Variants in UBE2E2 observed in about 807,000 individuals in gnomAD.
UBE2E2 encodes ubiquitin-conjugating enzyme E2 E2.
Under a neutral mutation model 24.7 loss-of-function variants are expected in UBE2E2, and 6 were observed. The ratio of observed to expected loss-of-function variants is 0.24; its 90% CI spans 0.13 to 0.48. UBE2E2 has a LOEUF of 0.48. Ranked by LOEUF, UBE2E2 falls within the 20% of genes least tolerant of loss-of-function variation. The pLI is 0.99. For missense variants in UBE2E2, 169 were observed against 245.0 expected (o/e 0.69, Z 2.07); for synonymous variants, 104 against 83.6 (o/e 1.24, Z -1.33).
chr3:23,579,908 G>A (rs1696437134), intron 5 of UBE2E2, among the ~76,000 whole-genome samples: 1 of 152,102 alleles, frequency 6.6e-6, no homozygotes, highest in Non-Finnish European at 1.5e-5. Flanking sequence ...CAACTCTCGT[G>A]GATGATTTGA....
intron 3 of UBE2E2, among the ~76,000 whole-genome samples, chr3:23,453,292 T>C (rs1698605657): frequency 6.6e-6 from 1 of 152,162 alleles, no homozygotes. Context: ...AACTATTTTT[T>C]AATTCATCCA....
rs1697382419 is a variant in UBE2E2 at position 23,407,324 on chromosome 3, G to A, written c.228-92284G>A. 6.6e-6 allele frequency among the ~76,000 whole-genome samples: 1 copy of A among 152,104 alleles called. No homozygotes were observed. Among genetic ancestry groups the A allele is most frequent in the Admixed American group, 6.5e-5 (1 of 15,268 alleles). On this transcript the variant is annotated intron_variant, in intron 3 of 5. Transcript: ENST00000396703. This position sits in a 1 kb window ranked among gnomAD's most constrained non-coding sequence, Gnocchi z 4.0. ...TGGTATAAACAGCCCTAGTCTAGCT[G>A]CTACACAGCTGCTTAGTTCTGGTTC... is the stretch of plus-strand genomic sequence containing the variant.
chr3:23,465,941 C>G (rs1392707878), intron 3 of UBE2E2, among the ~76,000 whole-genome samples: 1 of 151,974 alleles, frequency 6.6e-6, no homozygotes. Flanking sequence ...ATTTATGGGC[C>G]TAGGTACACA....
rs148986661 is a variant in UBE2E2, at chr3:23,515,629, G to A, written c.360+15889G>A. Among the ~76,000 whole-genome samples, 174 of 152,040 alleles carry A rather than the reference G, an allele frequency of 1.1e-3. 1 individual carries two copies. The highest frequency in any genetic ancestry group is 3.8e-3 in the African/African-American group (157 of 41,456). ...AGACAGACACTTGAAATTTTAATAC[G>A]TTCTCATTAATTAAGAACATATAAA... On this transcript the variant is annotated intron_variant, in intron 4 of 5. Transcript: ENST00000396703.
At chr3:23,277,392 C>A (rs1002897824) in intron 3 of UBE2E2, among the ~76,000 whole-genome samples, 2 of 152,008 alleles carry the variant, frequency 1.3e-5, no homozygotes, top group African/African-American at 4.8e-5. Context: ...AGGTTTCAGG[C>A]AGTTATGATT....
intron 3 of UBE2E2, among the ~76,000 whole-genome samples, chr3:23,246,588 C>T (rs1040782799): frequency 3.3e-5 from 5 of 151,670 alleles, no homozygotes; most frequent in East Asian, 1.9e-4. Context: ...CTTTCCATGT[C>T]GACCAAACTG....
intron 3 of UBE2E2, among the ~76,000 whole-genome samples, chr3:23,418,535 G>T (rs1201871232): frequency 6.6e-6 from 1 of 152,190 alleles, no homozygotes; most frequent in African/African-American, 2.4e-5. Flanking sequence ...TAAAGACGGG[G>T]TTTTACCATG....
At chr3:23,445,147 C>T (rs1428077045) in intron 3 of UBE2E2, among the ~76,000 whole-genome samples, 1 of 152,180 alleles carries the variant, frequency 6.6e-6, no homozygotes, top group Non-Finnish European at 1.5e-5. Context: ...AGAGGAAGCA[C>T]CTTGGCCACT....
rs202198050 is a variant in UBE2E2 at position 23,415,776 on chromosome 3, G to A, written c.228-83832G>A. Among the ~76,000 whole-genome samples the A allele has an allele frequency of 6.6e-4, 100 of 151,906 alleles. 5 individuals are homozygous for A. In the East Asian group the frequency reaches 0.016, roughly 24 times the overall value. On this transcript the variant is annotated intron_variant, in intron 3 of 5. Transcript: ENST00000396703. ...TATTATTATTATACTTTAAGTTCCA[G>A]GATACATGTGCAGAACGTGCAGGTT...
At chr3:23,329,166 T>A (rs1430089207) in intron 3 of UBE2E2, among the ~76,000 whole-genome samples, 1 of 152,160 alleles carries the variant, frequency 6.6e-6, no homozygotes, top group Non-Finnish European at 1.5e-5. Flanking sequence ...AATTTTTTAT[T>A]TGATAATAGG....
In UBE2E2 at chr3:23,389,002, C is replaced by CAA. The variant is rs34578427; in HGVS notation, c.228-110591_228-110590dup. Among the ~76,000 whole-genome samples the CAA allele has an allele frequency of 9.7e-4, 79 of 81,142 alleles. 3 individuals carry two copies. The East Asian group carries it at 0.025, about 26-fold the overall frequency. The allele number at this position is 81,142 out of a possible 152,430, so 53.2% of individuals were successfully genotyped here. A position where few individuals can be genotyped will look rare whatever the true frequency, so the allele number is the denominator to read the frequency against. ...GGGCGACAGAGCAAGACTCCATTTC[C>CAA]AAAAAAAAAAAAAAAAGAAAAAGAA... is the stretch of plus-strand genomic sequence containing the variant. On this transcript the variant is annotated intron_variant, in intron 3 of 5. Transcript: ENST00000396703.
chr3:23,337,872 A>G (rs1424256096), intron 3 of UBE2E2, among the ~76,000 whole-genome samples: 2 of 152,300 alleles, frequency 1.3e-5, no homozygotes, highest in African/African-American at 4.8e-5. Context: ...AATGAGTGAA[A>G]GTAGAGTGAT....
At chr3:23,491,532 A>C (rs1477070616) in intron 3 of UBE2E2, among the ~76,000 whole-genome samples, 1 of 152,212 alleles carries the variant, frequency 6.6e-6, no homozygotes, top group Non-Finnish European at 1.5e-5. Context: ...AGAACATCTT[A>C]TGCAAAAGCC....
At chr3:23,357,744 A>C (rs1477414207) in intron 3 of UBE2E2, among the ~76,000 whole-genome samples, 1 of 152,220 alleles carries the variant, frequency 6.6e-6, no homozygotes, top group African/African-American at 2.4e-5. Flanking sequence ...TGACCCCAGC[A>C]ACAGTATCTG....
intron 3 of UBE2E2, among the ~76,000 whole-genome samples, chr3:23,356,261 G>C (rs916141289): frequency 6.6e-6 from 1 of 152,172 alleles, no homozygotes; most frequent in Non-Finnish European, 1.5e-5. Flanking sequence ...AAGAGTTTAA[G>C]CCAGACAGTA....
At chr3:23,487,930 C>T (rs539339515) in intron 3 of UBE2E2, among the ~76,000 whole-genome samples, 3 of 151,030 alleles carry the variant, frequency 2.0e-5, no homozygotes, top group South Asian at 2.1e-4. Flanking sequence ...TTCCAGACAG[C>T]GTGGTAGAAG....
At chr3:23,255,079 CTTTTTTTTT>C (rs202015038) in intron 3 of UBE2E2, among the ~76,000 whole-genome samples, 56 of 85,950 alleles carry the variant, frequency 6.5e-4, no homozygotes, top group Non-Finnish European at 8.5e-4. Context: ...GAGTAACTTC[CTTTTTTTTT>C]TTTTTTTTTT....
chr3:23,261,678 T>A lies in UBE2E2; in HGVS notation c.227+44366T>A, dbSNP rs546912863. Among the ~76,000 whole-genome samples the A allele has an allele frequency of 1.3e-4, 20 of 152,318 alleles. No homozygotes were observed. In the South Asian group the frequency reaches 3.9e-3, roughly 30 times the overall value. Reference sequence around the variant, plus strand: ...CATTCTACTCTCTGCTTTTATGAGTTCAACTGTTTTAGATTTCATTCGTAA... The same window carrying A: ...CATTCTACTCTCTGCTTTTATGAGTACAACTGTTTTAGATTTCATTCGTAA... On this transcript the variant is annotated intron_variant, in intron 3 of 5. Transcript: ENST00000396703.
At chr3:23,451,687 A>G (rs1001216919) in intron 3 of UBE2E2, among the ~76,000 whole-genome samples, 2 of 152,216 alleles carry the variant, frequency 1.3e-5, no homozygotes, top group East Asian at 1.9e-4. Context: ...GTATAGAGGT[A>G]TGCTTTATTT....
Sources: allele counts gnomAD v4.1 joint callset (sites outside exome capture counted in the v4.1 genomes callset), GRCh38; gene constraint gnomAD v4.1.1; non-coding constraint Gnocchi (gnomAD v3.1); transcripts MANE v1.5; gene names NCBI Gene and HGNC (gene_info 2026-07-23, HGNC 2026-07-21).